Variants in GRIA3 observed in about 807,000 individuals in gnomAD.
GRIA3 encodes the protein glutamate ionotropic receptor AMPA type subunit 3, also known as glutamate receptor 3.
GRIA3 carries 3 observed loss-of-function variants against 63.0 expected under a neutral mutation model. The observed-to-expected ratio is 0.05, with a 90% confidence interval of 0.02 to 0.12. The LOEUF is 0.12. Ranked by LOEUF, GRIA3 falls within the 10% of genes least tolerant of loss-of-function variation. GRIA3 has a pLI of 1.00. For missense variants in GRIA3, 347 were observed against 700.9 expected (o/e 0.50, Z 5.70); for synonymous variants, 274 against 257.9 (o/e 1.06, Z -0.60).
intron 4 of GRIA3, among the ~76,000 whole-genome samples, chrX:123,344,936 T>C (rs6649004): frequency 0.12 from 13,174 of 111,519 alleles, 558 homozygotes; most frequent in East Asian, 0.17. Flanking sequence ...AGGTGAGATG[T>C]TAAAATGCAG....
chrX:123,386,092 G>A (rs1383523310), intron 5 of GRIA3, among the ~76,000 whole-genome samples: 1 of 111,316 alleles, frequency 9.0e-6, no homozygotes, highest in East Asian at 2.8e-4. Context: ...GCCAGCATCT[G>A]GTTGTTGTTG....
intron 7 of GRIA3, among the ~76,000 whole-genome samples, chrX:123,401,426 T>C (rs1451962555): frequency 1.8e-5 from 2 of 112,017 alleles, no homozygotes; most frequent in African/African-American, 6.5e-5. Context: ...TCTATCAGAA[T>C]TCAGTGCTCA....
At chrX:123,480,407 G>T (rs1040371115) in intron 14 of GRIA3, among the ~76,000 whole-genome samples, 4 of 111,600 alleles carry the variant, frequency 3.6e-5, no homozygotes, top group Non-Finnish European at 7.5e-5. Flanking sequence ...ACTCAATCTG[G>T]CCTACTGCAT....
At position 123,489,565 on chromosome X, in the gene GRIA3, T is replaced by A. The variant is rs774158364; in HGVS notation, c.*855T>A. 8.9e-5 allele frequency: 10 copies of A among 112,374 alleles called. No homozygotes were observed. In the South Asian group the frequency reaches 3.4e-3, roughly 38 times the overall value. 9.3% of individuals were successfully genotyped at this position (112,374 alleles called of 1,213,427 possible). A position where few individuals can be genotyped will look rare whatever the true frequency, so the allele number is the denominator to read the frequency against. On this transcript the variant is annotated 3_prime_UTR_variant, in exon 16 of 16. Transcript: ENST00000620443. ...GGGGCTTTCCAAGGAGCCTGGAATT[T>A]CAGCTCACAGATCTGTTTTTCTTGC...
chrX:123,359,185 G>T (rs1014084918), intron 5 of GRIA3, among the ~76,000 whole-genome samples: 15 of 111,864 alleles, frequency 1.3e-4, no homozygotes, highest in African/African-American at 4.9e-4. Context: ...AGTTTTGAAT[G>T]TATATTAAAT....
chrX:123,207,182 C>A (rs894004714), intron 2 of GRIA3, among the ~76,000 whole-genome samples: 9 of 106,506 alleles, frequency 8.5e-5, no homozygotes, highest in Non-Finnish European at 1.9e-5. Context: ...AAAAAAAAAT[C>A]TATGAACCAA....
chrX:123,198,044 C>T (rs1927621695), intron 2 of GRIA3, among the ~76,000 whole-genome samples: 1 of 112,150 alleles, frequency 8.9e-6, no homozygotes, highest in Admixed American at 9.4e-5. Context: ...TGCCCTGGCA[C>T]ACAAATGGCA....
intron 4 of GRIA3, among the ~76,000 whole-genome samples, chrX:123,342,031 C>T (rs1165663262): frequency 9.0e-6 from 1 of 110,568 alleles, no homozygotes; most frequent in African/African-American, 3.3e-5. Flanking sequence ...AATAACTTGC[C>T]TAAGACCACA....
intron 10 of GRIA3, among the ~76,000 whole-genome samples, chrX:123,406,184 C>T (rs2045472977): frequency 8.9e-6 from 1 of 112,523 alleles, no homozygotes; most frequent in Non-Finnish European, 1.9e-5. Flanking sequence ...AGAAAAACTG[C>T]CCATGCAGTA....
chrX:123,401,487 C>T (rs2045443230), intron 7 of GRIA3, among the ~76,000 whole-genome samples: 1 of 111,789 alleles, frequency 8.9e-6, no homozygotes, highest in African/African-American at 3.2e-5. Flanking sequence ...CAGTCTCATC[C>T]CACTGGATAA....
intron 12 of GRIA3, 107 bp downstream of exon 12, chrX:123,428,246 T>A: frequency 1.7e-6 from 1 of 572,830 alleles, no homozygotes; most frequent in South Asian, 2.4e-5. Flanking sequence ...AGTGGGAATG[T>A]TATCAAAGGA....
chrX:123,449,639 C>G (rs1227489925), intron 12 of GRIA3, among the ~76,000 whole-genome samples: 1 of 111,921 alleles, frequency 8.9e-6, no homozygotes, highest in African/African-American at 3.3e-5. Context: ...CCTAACACAG[C>G]AAGGAGGAAA....
chrX:123,211,379 T>A (rs1368817265), intron 2 of GRIA3, among the ~76,000 whole-genome samples: 1 of 111,609 alleles, frequency 9.0e-6, no homozygotes, highest in Non-Finnish European at 1.9e-5. Flanking sequence ...ATGCAATTAC[T>A]GATCCCAAGG....
chrX:123,469,320 T>C (rs1263830295), intron 13 of GRIA3, among the ~76,000 whole-genome samples: 1 of 112,059 alleles, frequency 8.9e-6, no homozygotes, highest in East Asian at 2.8e-4. Flanking sequence ...CTAGAAAAGT[T>C]ACCATACTAT....
intron 2 of GRIA3, among the ~76,000 whole-genome samples, chrX:123,190,563 G>T (rs935459664): frequency 9.0e-6 from 1 of 111,435 alleles, no homozygotes; most frequent in Non-Finnish European, 1.9e-5. Context: ...TCCCCTAGAA[G>T]GCAGCTTCCT....
chrX:123,206,444 C>G (rs1448947330), intron 2 of GRIA3, among the ~76,000 whole-genome samples: 1 of 112,159 alleles, frequency 8.9e-6, no homozygotes, highest in Non-Finnish European at 1.9e-5. Context: ...GGCTCACTGG[C>G]TGCCGTTCTT....
At chrX:123,462,989 G>C (rs914521974) in intron 12 of GRIA3, among the ~76,000 whole-genome samples, 3 of 111,094 alleles carry the variant, frequency 2.7e-5, no homozygotes, top group African/African-American at 9.9e-5. Context: ...TAGGGCTAGA[G>C]GCACAGTAAG....
intron 4 of GRIA3, among the ~76,000 whole-genome samples, chrX:123,336,608 C>CAT (rs201200465): frequency 0.011 from 1,173 of 111,240 alleles, 18 homozygotes; most frequent in African/African-American, 0.036. Flanking sequence ...ACCACTATTA[C>CAT]ATATATATAT....
chrX:123,481,859 A>G (rs2045914282), intron 14 of GRIA3, among the ~76,000 whole-genome samples: 1 of 111,850 alleles, frequency 8.9e-6, no homozygotes, highest in Non-Finnish European at 1.9e-5. Flanking sequence ...TTTGACCTGA[A>G]AGTCACTGAC....
Sources: allele counts gnomAD v4.1 joint callset (sites outside exome capture counted in the v4.1 genomes callset), GRCh38; gene constraint gnomAD v4.1.1; transcripts MANE v1.5; gene names NCBI Gene and HGNC (gene_info 2026-07-23, HGNC 2026-07-21).